Variants in CRTAM observed in about 807,000 individuals in gnomAD.
The protein encoded by CRTAM is cytotoxic and regulatory T-cell molecule.
Under a neutral mutation model 50.0 loss-of-function variants are expected in CRTAM, and 44 were observed. The observed-to-expected ratio is 0.88, with a 90% CI of 0.69 to 1.13. The LOEUF is 1.13. Ranked by LOEUF, CRTAM falls within the 50% of genes most tolerant of loss-of-function variation. The pLI, the probability that CRTAM is intolerant of heterozygous loss-of-function variation, is 0.00. For synonymous variants in CRTAM, 159 were observed against 169.3 expected (o/e 0.94, Z 0.47); for missense variants, 448 against 457.5 (o/e 0.98, Z 0.19).
chr11:122,857,269 G>A (rs879753358), intron 5 of CRTAM, among the ~76,000 whole-genome samples: 15 of 152,186 alleles, frequency 9.9e-5, no homozygotes, highest in Non-Finnish European at 2.1e-4. Flanking sequence ...AGGAGTTCGA[G>A]ACCAGTCTGG....
Position 122,867,515 on chromosome 11 carries a change from C to A in CRTAM, c.924C>A (p.Phe308Leu), listed in dbSNP as rs1384263433. Residue 308 changes from phenylalanine (F) to leucine (L), a missense_variant, in exon 8 of 10, where the codon TTC becomes TTA. Coordinates refer to ENST00000227348, the MANE Select transcript of CRTAM (RefSeq NM_019604.4). ...TACTCTTCATCATAGTCCAGCTCTT[C>A]ATCATGAAGCTGAGGAAAGCACATG... ...IFILFIIVQL[F>L]IMKLRKAHVI... The A allele has an allele frequency of 1.2e-6, 2 of 1,614,070 alleles. No homozygotes were observed. The highest frequency in any genetic ancestry group is 1.7e-6 in the Non-Finnish European group (2 of 1,179,972).
chr11:122,868,757 C>T (rs1252113884), intron 9 of CRTAM, among the ~76,000 whole-genome samples: 3 of 152,146 alleles, frequency 2.0e-5, no homozygotes, highest in African/African-American at 7.2e-5. Flanking sequence ...GCCTGTAATC[C>T]CAGCACTTTG....
chr11:122,851,921 T>C, intron 3 of CRTAM, 76 bp downstream of exon 3: 1 of 1,396,626 alleles, frequency 7.2e-7, no homozygotes, highest in Non-Finnish European at 9.9e-7. Flanking sequence ...AACTGAACCT[T>C]TTAGTTTAAA....
Position 122,861,348 on chromosome 11 carries a change from G to GTATATA in CRTAM, c.653-1107_653-1102dup, listed in dbSNP as rs5795353. ...AACATGAACCACCTGTGACGTGTCA[G>GTATATA]TATATATATATATACACACACACAC... On this transcript the variant is annotated intron_variant, in intron 5 of 9. Transcript: ENST00000227348. Among the ~76,000 whole-genome samples, 188 of 123,682 alleles carry GTATATA rather than the reference G, an allele frequency of 1.5e-3. 1 individual carries two copies. In the East Asian group the frequency reaches 0.016, roughly 10 times the overall value. The allele number at this position is 123,682 out of a possible 152,430, so 81.1% of individuals were successfully genotyped here. A position where few individuals can be genotyped will look rare whatever the true frequency, so the allele number is the denominator to read the frequency against.
At chr11:122,848,787 C>A (rs1164735761) in intron 1 of CRTAM, among the ~76,000 whole-genome samples, 1 of 152,104 alleles carries the variant, frequency 6.6e-6, no homozygotes, top group Non-Finnish European at 1.5e-5. Context: ...TAATTTATAA[C>A]CCCATGGTAT....
intron 3 of CRTAM, among the ~76,000 whole-genome samples, chr11:122,853,233 A>G (rs1861957693): frequency 6.6e-6 from 1 of 151,628 alleles, no homozygotes; most frequent in Admixed American, 6.6e-5. Flanking sequence ...ATGCCCAGCT[A>G]ATTTTTGTAT....
intron 4 of CRTAM, 125 bp from the exon 5 acceptor site, chr11:122,855,570 T>C: frequency 1.4e-6 from 1 of 727,612 alleles, no homozygotes; most frequent in Non-Finnish European, 2.3e-6. Flanking sequence ...ACAAGGGAAC[T>C]GGCTGAGGTT....
chr11:122,871,518 G>C lies in CRTAM; in HGVS notation c.*119G>C. On this transcript the variant is annotated 3_prime_UTR_variant, in exon 10 of 10. Transcript: ENST00000227348. The stretch of plus-strand genomic sequence containing the variant: ...ATAATGACCTCTTAGTGCAATGCAA[G>C]ATGGTGTCCTCGGATAATGATCTGC... The C allele has an allele frequency of 1.3e-6, 1 of 772,626 alleles. No individual in the cohort carries two copies. Among genetic ancestry groups the C allele is most frequent in the Admixed American group, 3.2e-5 (1 of 31,610 alleles). The allele number at this position is 772,626 out of a possible 1,614,324, so 47.9% of individuals were successfully genotyped here.
chr11:122,863,363 GAAAGAAAA>G (rs567644165), intron 6 of CRTAM, among the ~76,000 whole-genome samples: 2 of 150,784 alleles, frequency 1.3e-5, no homozygotes, highest in African/African-American at 4.9e-5. Context: ...AAGAAAGAAA[GAAAGAAAA>G]AGAAAGAAAG....
intron 1 of CRTAM, among the ~76,000 whole-genome samples, chr11:122,844,265 C>T (rs1440964092): frequency 2.0e-5 from 3 of 152,072 alleles, no homozygotes; most frequent in Non-Finnish European, 4.4e-5. Flanking sequence ...AGCATGCATC[C>T]TAAGAAAGAG....
intron 7 of CRTAM, among the ~76,000 whole-genome samples, chr11:122,866,342 C>A (rs1255407549): frequency 1.3e-5 from 2 of 152,142 alleles, no homozygotes; most frequent in Admixed American, 1.3e-4. Context: ...AGAGACCATT[C>A]TTGCCTCTGA....
intron 4 of CRTAM, among the ~76,000 whole-genome samples, chr11:122,854,470 CGAG>C (rs1246706970): frequency 2.6e-5 from 4 of 151,870 alleles, no homozygotes; most frequent in African/African-American, 9.7e-5. Flanking sequence ...GTCAGGAGTT[CGAG>C]ACCAGCCTGA....
rs1447503852 is a variant in CRTAM, at chr11:122,854,022, C to T, written c.426C>T (p.Ser142=). Reference sequence around the variant, plus strand: ...AAGAACATGTTGTACTCATGTGCTCCACCATGAGAAGCAAGCCCCCTCCGC... The same window carrying T: ...AAGAACATGTTGTACTCATGTGCTCTACCATGAGAAGCAAGCCCCCTCCGC... ...NGEEHVVLMC[S]TMRSKPPPQI... is the part of the protein sequence containing the mutation. Residue 142 remains serine (S), a synonymous_variant, in exon 4 of 10, where the codon TCC becomes TCT. Transcript: ENST00000227348. 2 of 1,613,900 alleles carry T rather than the reference C, an allele frequency of 1.2e-6. No individual in the cohort carries two copies. The highest frequency in any genetic ancestry group is 2.2e-5 in the East Asian group (1 of 44,878).
chr11:122,853,434 C>A (rs1295286669), intron 3 of CRTAM, among the ~76,000 whole-genome samples: 1 of 151,924 alleles, frequency 6.6e-6, no homozygotes, highest in African/African-American at 2.4e-5. Context: ...AGACTAACAA[C>A]ACACTGAGTA....
At chr11:122,857,576 T>C (rs1862022776) in intron 5 of CRTAM, among the ~76,000 whole-genome samples, 1 of 152,266 alleles carries the variant, frequency 6.6e-6, no homozygotes, top group South Asian at 2.1e-4. Context: ...CAGCATCAGC[T>C]GTTGATAGCT....
intron 7 of CRTAM, among the ~76,000 whole-genome samples, chr11:122,867,176 T>G (rs1847392092): frequency 6.6e-6 from 1 of 152,182 alleles, no homozygotes; most frequent in African/African-American, 2.4e-5. Flanking sequence ...ACTTAAAAAA[T>G]CTTTTCAAAT....
At chr11:122,850,317 G>C in intron 2 of CRTAM, 103 bp downstream of exon 2, 1 of 1,226,072 alleles carries the variant, frequency 8.2e-7, no homozygotes, top group Non-Finnish European at 1.1e-6. Context: ...GTCACCCAAG[G>C]GGTGGGCTCA....
At chr11:122,860,758 C>T (rs980079748) in intron 5 of CRTAM, among the ~76,000 whole-genome samples, 3 of 152,224 alleles carry the variant, frequency 2.0e-5, no homozygotes, top group Non-Finnish European at 4.4e-5. Context: ...GGCTGGAGCG[C>T]AATGGTGTAA....
At chr11:122,864,854 T>G (rs913605894) in intron 7 of CRTAM, 135 bp downstream of exon 7, 19 of 631,366 alleles carry the variant, frequency 3.0e-5, no homozygotes, top group Non-Finnish European at 4.8e-5. Context: ...AATCACTCCC[T>G]TGTCCCTCCT....
Sources: gnomAD v4.1 joint callset for allele counts (sites outside exome capture counted in the v4.1 genomes callset) on GRCh38, gnomAD v4.1.1 for gene constraint, MANE v1.5 for transcripts, NCBI Gene and HGNC (gene_info 2026-07-23, HGNC 2026-07-21) for gene names.